The following RBFOX1 variants were observed in gnomAD, a reference collection of about 807,000 sequenced individuals.
RBFOX1 encodes the protein RNA binding protein fox-1 homolog 1.
In RBFOX1, 8 loss-of-function variants were observed where a neutral mutation model predicts 57.7. The observed-to-expected ratio is 0.14, with a 90% CI of 0.08 to 0.25. RBFOX1 has a LOEUF of 0.25. Ranked by LOEUF, RBFOX1 falls within the 10% of genes least tolerant of loss-of-function variation. RBFOX1 has a pLI of 1.00. For missense variants in RBFOX1, 611 were observed against 548.5 expected (o/e 1.11, Z -1.14); for synonymous variants, 326 against 222.4 (o/e 1.47, Z -4.15).
chr16:6,928,696 A>C (rs2076034354), intron 3 of RBFOX1, among the ~76,000 whole-genome samples: 2 of 152,190 alleles, frequency 1.3e-5, no homozygotes, highest in Non-Finnish European at 2.9e-5. Context: ...GTGAGGTCAG[A>C]GTGGTAAGTA....
At chr16:7,266,003 C>A (rs1204547771) in intron 4 of RBFOX1, among the ~76,000 whole-genome samples, 1 of 106,978 alleles carries the variant, frequency 9.3e-6, no homozygotes. Flanking sequence ...GAGAGGGAGT[C>A]TTGCTGTGTT....
chr16:7,369,432 C>A (rs1357363717), intron 4 of RBFOX1, among the ~76,000 whole-genome samples: 3 of 152,086 alleles, frequency 2.0e-5, no homozygotes, highest in Admixed American at 6.5e-5. Context: ...ATTAATTCAT[C>A]TGTTTGGATG....
intron 4 of RBFOX1, among the ~76,000 whole-genome samples, chr16:7,252,203 T>C (rs2094522010): frequency 6.6e-6 from 1 of 152,356 alleles, no homozygotes; most frequent in Admixed American, 6.5e-5. Flanking sequence ...CTGGTTCTCC[T>C]TTGAGAGATT....
intron 3 of RBFOX1, among the ~76,000 whole-genome samples, chr16:5,777,064 G>A (rs7342740): frequency 6.6e-6 from 1 of 152,040 alleles, no homozygotes. Context: ...ATGCCCTGAC[G>A]TCATCCATTG....
rs962582065 is a variant in RBFOX1, at chr16:7,378,022, A to G, written c.28-140125A>G. On this transcript the variant is annotated intron_variant, in intron 4 of 15. Transcript: ENST00000550418. ...TGTGCAAAGTCTCTAAAGTTAGAAT[A>G]AGCTTGACATGTCTGAAGAAGAGCA... Among the ~76,000 whole-genome samples the G allele has an allele frequency of 5.3e-5, 8 of 152,320 alleles. No homozygotes were observed. The East Asian group carries it at 1.5e-3, about 29-fold the overall frequency.
Position 7,380,989 on chromosome 16 carries a change from A to G in RBFOX1, c.28-137158A>G, listed in dbSNP as rs542422318. On this transcript the variant is annotated intron_variant, in intron 4 of 15. Transcript: ENST00000550418. ...GTTCTCAGTGAAAGTAGACAGGTCT[A>G]TCCTAGTGTTCTGTCTTGCATGAAA... Among the ~76,000 whole-genome samples, 5 of 152,354 alleles carry G rather than the reference A, an allele frequency of 3.3e-5. No individual in the cohort carries two copies. The East Asian group carries it at 9.6e-4, about 29-fold the overall frequency.
At chr16:7,017,840 T>A (rs922165649) in intron 3 of RBFOX1, among the ~76,000 whole-genome samples, 1 of 152,174 alleles carries the variant, frequency 6.6e-6, no homozygotes, top group South Asian at 2.1e-4. Flanking sequence ...TTTATTTATT[T>A]GTGCATTCAT....
intron 3 of RBFOX1, among the ~76,000 whole-genome samples, chr16:5,844,825 C>CAA (rs1304809343): frequency 2.6e-5 from 4 of 152,154 alleles, no homozygotes; most frequent in Non-Finnish European, 4.4e-5. Context: ...AAGGCGGTTT[C>CAA]CCTTACACGT....
Position 7,518,369 on chromosome 16 carries a change from A to G in RBFOX1, c.250A>G (p.Thr84Ala). Residue 84 changes from threonine (T) to alanine (A), a missense_variant, in exon 5 of 16, where the codon ACC becomes GCC. Thr to Ala is a moderately conservative substitution (Grantham distance 58, BLOSUM62 0). Coordinates refer to ENST00000550418, the MANE Select transcript of RBFOX1 (RefSeq NM_018723.4). ...EQSPADTSAQ[T>A]VSGTATQTDD... Reference sequence around the variant, plus strand: ...GAGCCCGGCGGACACGAGCGCTCAGACCGTCTCTGGCACCGCCACAGTAAG... The same window carrying G: ...GAGCCCGGCGGACACGAGCGCTCAGGCCGTCTCTGGCACCGCCACAGTAAG... 1 of 1,610,952 alleles carries G rather than the reference A, an allele frequency of 6.2e-7. No individual in the cohort carries two copies. Among genetic ancestry groups the G allele is most frequent in the Non-Finnish European group, 8.5e-7 (1 of 1,177,844 alleles).
At chr16:6,922,614 G>C (rs1333843597) in intron 3 of RBFOX1, among the ~76,000 whole-genome samples, 1 of 152,100 alleles carries the variant, frequency 6.6e-6, no homozygotes, top group African/African-American at 2.4e-5. Flanking sequence ...TCTTTTACTT[G>C]CTGACTGTTG....
intron 4 of RBFOX1, among the ~76,000 whole-genome samples, chr16:5,896,874 A>G (rs960166667): frequency 6.6e-6 from 1 of 151,972 alleles, no homozygotes; most frequent in African/African-American, 2.4e-5. Flanking sequence ...TCATATATTC[A>G]TTCCCATTTT....
chr16:5,689,242 G>A (rs968853183), intron 3 of RBFOX1, among the ~76,000 whole-genome samples: 1 of 152,224 alleles, frequency 6.6e-6, no homozygotes, highest in African/African-American at 2.4e-5. Flanking sequence ...CATCACTTAT[G>A]ATTTTGAGGC....
At chr16:7,186,299 CAT>C (rs927373570) in intron 4 of RBFOX1, among the ~76,000 whole-genome samples, 2 of 96,990 alleles carry the variant, frequency 2.1e-5, no homozygotes, top group Non-Finnish European at 3.8e-5. Context: ...TAAATATAAA[CAT>C]AAACATATTT....
intron 3 of RBFOX1, among the ~76,000 whole-genome samples, chr16:6,992,974 T>C (rs968057273): frequency 1.3e-5 from 2 of 152,222 alleles, no homozygotes; most frequent in African/African-American, 4.8e-5. Flanking sequence ...TTCTTTGCTT[T>C]AAACATAAAG....
rs143693938 is a variant in RBFOX1 at position 5,365,852 on chromosome 16, C to T, written c.220-101364C>T. The T allele has an allele frequency of 3.6e-4, 187 of 514,066 alleles. 1 individual carries two copies. Among genetic ancestry groups the T allele is most frequent in the Admixed American group, 5.3e-4 (27 of 50,546 alleles). 31.8% of individuals were successfully genotyped at this position (514,066 alleles called of 1,614,324 possible). On this transcript the variant is annotated intron_variant, in intron 1 of 2. Coordinates refer to the RBFOX1 transcript ENST00000585867. Reference sequence around the variant, plus strand: ...CCCTGAGGCCCCAGAACTGTCTTTTCGGGTGTGAACTCAAGGCTGACAAAG... The same window carrying T: ...CCCTGAGGCCCCAGAACTGTCTTTTTGGGTGTGAACTCAAGGCTGACAAAG...
chr16:5,669,469 G>A (rs1405342475), intron 3 of RBFOX1, among the ~76,000 whole-genome samples: 2 of 138,974 alleles, frequency 1.4e-5, no homozygotes, highest in Non-Finnish European at 3.0e-5. Flanking sequence ...TGTTAGGCTG[G>A]AGTGCAGTGG....
intron 4 of RBFOX1, among the ~76,000 whole-genome samples, chr16:7,111,349 C>G (rs1054502994): frequency 6.6e-6 from 1 of 152,126 alleles, no homozygotes; most frequent in South Asian, 2.1e-4. Context: ...CGGAGCTGAG[C>G]GGCACTGTTT....
chr16:5,951,896 A>G (rs1024064493), intron 4 of RBFOX1, among the ~76,000 whole-genome samples: 2 of 151,756 alleles, frequency 1.3e-5, no homozygotes, highest in Non-Finnish European at 2.9e-5. Context: ...ATATACATAT[A>G]TATACATACT....
intron 2 of RBFOX1, among the ~76,000 whole-genome samples, chr16:6,501,473 C>A (rs910386996): frequency 3.3e-5 from 5 of 151,886 alleles, no homozygotes; most frequent in African/African-American, 1.2e-4. Flanking sequence ...CATGAACTCA[C>A]CATTTTTATG....
Sources: allele counts gnomAD v4.1 joint callset (sites outside exome capture counted in the v4.1 genomes callset), GRCh38; gene constraint gnomAD v4.1.1; transcripts MANE v1.5; gene names NCBI Gene and HGNC (gene_info 2026-07-23, HGNC 2026-07-21).